The following AQP11 variants were observed in gnomAD, a reference collection of about 807,000 sequenced individuals.
AQP11 encodes aquaporin-11.
In AQP11, 20 loss-of-function variants were observed where a neutral mutation model predicts 21.1. The observed-to-expected ratio is 0.95, with a 90% CI of 0.67 to 1.38. AQP11 has a LOEUF of 1.38. AQP11 is among the 40% of genes most tolerant of loss of function. The probability of loss-of-function intolerance (pLI) is 0.00; values close to 1 mark genes in which losing one functional copy is unlikely to be tolerated. For synonymous variants in AQP11, 167 were observed against 150.1 expected (o/e 1.11, Z -0.82); for missense variants, 339 against 340.4 (o/e 1.00, Z 0.03).
chr11:77,607,278 T>A (rs1249538552), intron 2 of AQP11, among the ~76,000 whole-genome samples: 7 of 151,720 alleles, frequency 4.6e-5, no homozygotes, highest in Admixed American at 4.6e-4. Flanking sequence ...TGGGAAAAAA[T>A]AAATTATAAA....
chr11:77,593,517 G>A (rs1309605544), intron 1 of AQP11, among the ~76,000 whole-genome samples: 1 of 152,086 alleles, frequency 6.6e-6, no homozygotes, highest in African/African-American at 2.4e-5. Flanking sequence ...GGTGCCTGTA[G>A]TCCCAGCTAC....
At chr11:77,593,509 T>C (rs1483944209) in intron 1 of AQP11, among the ~76,000 whole-genome samples, 3 of 152,040 alleles carry the variant, frequency 2.0e-5, no homozygotes, top group Admixed American at 6.6e-5. Flanking sequence ...TGGTGGCGGG[T>C]GCCTGTAGTC....
chr11:77,605,302 G>GA, intron 2 of AQP11, among the ~76,000 whole-genome samples: 1 of 152,228 alleles, frequency 6.6e-6, no homozygotes, highest in East Asian at 1.9e-4. Context: ...GTTTTTATAT[G>GA]AAAAAATTCC....
chr11:77,591,489 C>A (rs1211231630), intron 1 of AQP11, among the ~76,000 whole-genome samples: 1 of 152,220 alleles, frequency 6.6e-6, no homozygotes, highest in South Asian at 2.1e-4. Context: ...TGGTAATAAT[C>A]TTCTGCCCAT....
At chr11:77,596,433 T>G (rs1958779308) in intron 1 of AQP11, among the ~76,000 whole-genome samples, 1 of 113,934 alleles carries the variant, frequency 8.8e-6, no homozygotes, top group Non-Finnish European at 1.7e-5. Context: ...AGAGCGAGAC[T>G]ATGTCTCAAT....
intron 1 of AQP11, chr11:77,591,230 T>C: frequency 1.0e-6 from 1 of 957,596 alleles, no homozygotes; most frequent in Non-Finnish European, 1.2e-6. Context: ...ATAACTTGCT[T>C]CAAATTAAAG....
At chr11:77,600,917 CAGG>C (rs550447660) in intron 1 of AQP11, among the ~76,000 whole-genome samples, 372 of 150,998 alleles carry the variant, frequency 2.5e-3, no homozygotes, top group African/African-American at 8.5e-3. Flanking sequence ...GAGGCTGAGG[CAGG>C]AGAATGGTGT....
intron 1 of AQP11, among the ~76,000 whole-genome samples, chr11:77,599,454 A>G (rs891615724): frequency 8.3e-6 from 1 of 120,818 alleles, no homozygotes. Context: ...ACACCTGGCT[A>G]CTTTTTGTAT....
chr11:77,594,889 TA>T (rs112398729), intron 1 of AQP11, among the ~76,000 whole-genome samples: 1,712 of 140,284 alleles, frequency 0.012, 12 homozygotes, highest in East Asian at 0.04. Context: ...CCTAATCGTG[TA>T]AAAAAAAAAA....
chr11:77,595,586 C>T (rs556571391), intron 1 of AQP11, among the ~76,000 whole-genome samples: 2 of 152,212 alleles, frequency 1.3e-5, no homozygotes, highest in South Asian at 2.1e-4. Flanking sequence ...AATAAGTGAA[C>T]GAACTAGCAA....
At chr11:77,597,053 C>T (rs942076138) in intron 1 of AQP11, among the ~76,000 whole-genome samples, 2 of 152,148 alleles carry the variant, frequency 1.3e-5, no homozygotes, top group Non-Finnish European at 2.9e-5. Context: ...CTCTATATTT[C>T]TAACAGGCTT....
At chr11:77,607,810 C>G (rs1007578955) in intron 2 of AQP11, among the ~76,000 whole-genome samples, 1 of 150,736 alleles carries the variant, frequency 6.6e-6, no homozygotes, top group Non-Finnish European at 1.5e-5. Context: ...TTATACATTT[C>G]ATACAATGAA....
chr11:77,599,795 A>G (rs1391468792), intron 1 of AQP11, among the ~76,000 whole-genome samples: 1 of 151,770 alleles, frequency 6.6e-6, no homozygotes, highest in Non-Finnish European at 1.5e-5. Context: ...TATGTTGCCC[A>G]GGCTAGTCTT....
intron 1 of AQP11, among the ~76,000 whole-genome samples, chr11:77,592,020 C>T (rs1958751789): frequency 6.6e-6 from 1 of 152,228 alleles, no homozygotes; most frequent in Non-Finnish European, 1.5e-5. Flanking sequence ...CATCCCAACA[C>T]TTTGGGAGGC....
At chr11:77,600,821 G>A (rs1201786318) in intron 1 of AQP11, among the ~76,000 whole-genome samples, 1 of 152,052 alleles carries the variant, frequency 6.6e-6, no homozygotes, top group African/African-American at 2.4e-5. Flanking sequence ...GACCATCCCG[G>A]CTAAAACGGT....
At position 77,589,986 on chromosome 11, in the gene AQP11, C is replaced by G; in HGVS notation, c.-7C>G. ...AGCCCGCAACCCGCTCAGGCGGCGA[C>G]GGAGCCATGTCGCCGCTGCTGGGGC... On this transcript the variant is annotated 5_prime_UTR_variant, in exon 1 of 3. Transcript: ENST00000313578. 5 of 1,475,504 alleles carry G rather than the reference C, an allele frequency of 3.4e-6. No individual in the cohort carries two copies. The Admixed American group carries it at 7.4e-5, about 22-fold the overall frequency. The allele number at this position is 1,475,504 out of a possible 1,614,324, so 91.4% of individuals were successfully genotyped here.
rs1958740739 is a variant in AQP11, at chr11:77,590,502, G to A, written c.510G>A (p.Glu170=). The part of the protein sequence containing the change: ...RVDLLKAVIT[E]AVCSFLFHSA... ...ACTTGCTCAAAGCGGTCATCACAGA[G>A]GCCGTCTGCTCCTTTCTCTTCCACA... The change falls in exon 1 of 3, where the codon GAG becomes GAA. Residue 170 remains glutamate, a synonymous_variant. Coordinates refer to ENST00000313578, the MANE Select transcript of AQP11 (RefSeq NM_173039.3). 2.5e-6 allele frequency: 4 copies of A among 1,614,160 alleles called. No individual in the cohort carries two copies. Among genetic ancestry groups the A allele is most frequent in the African/African-American group, 2.7e-5 (2 of 75,036 alleles).
chr11:77,596,257 A>G (rs1468570458), intron 1 of AQP11, among the ~76,000 whole-genome samples: 2 of 150,990 alleles, frequency 1.3e-5, no homozygotes, highest in Non-Finnish European at 2.9e-5. Context: ...CAACGCCAAC[A>G]TGGTAAAGCC....
chr11:77,595,961 AAGAG>A (rs893106751), intron 1 of AQP11, among the ~76,000 whole-genome samples: 14 of 152,114 alleles, frequency 9.2e-5, no homozygotes, highest in African/African-American at 1.2e-4. Context: ...TCAAAAAAAA[AAGAG>A]AGAAGGGAAC....
Sources: gnomAD v4.1 joint callset for allele counts (sites outside exome capture counted in the v4.1 genomes callset) on GRCh38, gnomAD v4.1.1 for gene constraint, MANE v1.5 for transcripts, NCBI Gene and HGNC (gene_info 2026-07-23, HGNC 2026-07-21) for gene names.